Variants in SLC36A4 observed in about 807,000 individuals in gnomAD.
SLC36A4 encodes neutral amino acid uniporter 4.
SLC36A4 carries 49 observed loss-of-function variants against 50.5 expected under a neutral mutation model. The observed-to-expected ratio is 0.97, with a 90% CI of 0.77 to 1.23. The LOEUF is 1.23. SLC36A4 is among the 50% of genes most tolerant of loss of function. The pLI, the probability that SLC36A4 is intolerant of heterozygous loss-of-function variation, is 0.00. For synonymous variants in SLC36A4, 207 were observed against 206.5 expected (o/e 1.00, Z -0.02); for missense variants, 611 against 608.4 (o/e 1.00, Z -0.05).
At chr11:93,184,962 AAC>A (rs1371021499) in intron 2 of SLC36A4, among the ~76,000 whole-genome samples, 1 of 152,168 alleles carries the variant, frequency 6.6e-6, no homozygotes, top group Non-Finnish European at 1.5e-5. Context: ...CATGATACTA[AAC>A]ACATTTGATC....
At chr11:93,180,388 A>C (rs1861684479) in intron 6 of SLC36A4, 2 of 900,054 alleles carry the variant, frequency 2.2e-6, no homozygotes, top group South Asian at 1.0e-4. Flanking sequence ...AATGGCTATA[A>C]TTACCAGATT....
intron 9 of SLC36A4, among the ~76,000 whole-genome samples, chr11:93,156,213 G>A (rs1266320228): frequency 2.6e-5 from 4 of 151,978 alleles, no homozygotes; most frequent in African/African-American, 9.7e-5. Flanking sequence ...AATAAGTGTT[G>A]TTCCTTTTTC....
chr11:93,166,008 T>C lies in SLC36A4; in HGVS notation c.777A>G (p.Pro259=). 6.2e-7 allele frequency: 1 copy of C among 1,606,068 alleles called. No individual in the cohort carries two copies. Among genetic ancestry groups the C allele is most frequent in the East Asian group, 2.2e-5 (1 of 44,758 alleles). The change falls in exon 8 of 11, where the codon CCA becomes CCG. Residue 259 remains proline, a synonymous_variant. Transcript: ENST00000326402. Reference sequence around the variant, plus strand: ...CCACTATTGGAAGGTTGTGGGGATCTGGCATGTTCTAAAGAAAGGAAGAAA... The same window carrying C: ...CCACTATTGGAAGGTTGTGGGGATCCGGCATGTTCTAAAGAAAGGAAGAAA... ...IIYQYVVRNM[P]DPHNLPIVAG... is the part of the protein sequence containing the mutation.
Position 93,148,685 on chromosome 11 carries a change from A to G in SLC36A4, c.1367T>C (p.Ile456Thr), listed in dbSNP as rs773940308. 6 of 1,612,804 alleles carry G rather than the reference A, an allele frequency of 3.7e-6. No individual in the cohort carries two copies. In the Admixed American group the frequency reaches 8.4e-5, roughly 22 times the overall value. The change falls in exon 11 of 11, where the codon ATA becomes ACA. Residue 456 changes from isoleucine (I) to threonine (T), a missense_variant. By Grantham distance (89) the Ile-to-Thr change is moderately conservative (BLOSUM62 -1). Transcript: ENST00000326402. ...GAAGCCAACAACTCCAGTGAATGCTATAGAAATATTTTTCAGGACCATCCA... is the reference window on the plus strand; with the variant it reads ...GAAGCCAACAACTCCAGTGAATGCTGTAGAAATATTTTTCAGGACCATCCA... ...NIWMVLKNIS[I>T]AFTGVVGFLL...
At chr11:93,178,860 A>G (rs1342009547) in intron 6 of SLC36A4, among the ~76,000 whole-genome samples, 3 of 152,194 alleles carry the variant, frequency 2.0e-5, no homozygotes, top group Non-Finnish European at 2.9e-5. Flanking sequence ...ATCAGACAAG[A>G]GAAAGAAATA....
intron 3 of SLC36A4, among the ~76,000 whole-genome samples, chr11:93,183,496 A>T (rs1233590213): frequency 6.6e-6 from 1 of 152,166 alleles, no homozygotes; most frequent in Non-Finnish European, 1.5e-5. Flanking sequence ...TTAGGGGAAC[A>T]AAACAGTCAA....
intron 9 of SLC36A4, chr11:93,154,602 C>G (rs1380455994): frequency 1.3e-5 from 2 of 156,154 alleles, no homozygotes; most frequent in Admixed American, 6.5e-5. Context: ...GTTTTCTCAA[C>G]TTTCTTTTTA....
intron 6 of SLC36A4, among the ~76,000 whole-genome samples, chr11:93,177,201 T>A (rs981406266): frequency 5.9e-5 from 9 of 152,214 alleles, no homozygotes; most frequent in African/African-American, 2.2e-4. Flanking sequence ...ATTCATTTGA[T>A]CTTCAATCAC....
intron 6 of SLC36A4, chr11:93,180,213 G>A (rs900762514): frequency 2.0e-6 from 2 of 984,764 alleles, no homozygotes; most frequent in African/African-American, 3.5e-5. Context: ...TTGTTTTGAT[G>A]GAGGGATTTT....
intron 10 of SLC36A4, among the ~76,000 whole-genome samples, chr11:93,149,977 AAAT>A (rs1203805626): frequency 6.6e-6 from 1 of 152,048 alleles, no homozygotes; most frequent in Non-Finnish European, 1.5e-5. Context: ...AGTTTAAAAA[AAAT>A]AGTACTCCAC....
At chr11:93,166,165 T>C in intron 7 of SLC36A4, 149 bp from the exon 8 acceptor site, 3 of 1,297,292 alleles carry the variant, frequency 2.3e-6, no homozygotes, top group Non-Finnish European at 3.0e-6. Flanking sequence ...ACTTAAAGCA[T>C]CCTCTGTTAA....
chr11:93,176,093 G>C (rs917546512), intron 6 of SLC36A4, among the ~76,000 whole-genome samples: 7 of 143,244 alleles, frequency 4.9e-5, no homozygotes, highest in Non-Finnish European at 1.5e-5. Context: ...AAGTCTCTTT[G>C]TAGGTCACTC....
In SLC36A4 at chr11:93,168,118, T is replaced by A; in HGVS notation, c.594A>T (p.Ser198=). ...CACTTCTTCTCTCACAAGGGTTTGA[T>A]GAATTGGTACTATTTGAAATAAACA... is the stretch of plus-strand genomic sequence containing the variant. The part of the protein sequence containing the change: ...SKVFISNSTN[S]SNPCERRSVD... The change falls in exon 7 of 11, where the codon TCA becomes TCT. Residue 198 remains serine (S), a synonymous_variant. Coordinates refer to ENST00000326402, the MANE Select transcript of SLC36A4 (RefSeq NM_152313.4). 1.2e-6 allele frequency: 2 copies of A among 1,612,644 alleles called. No homozygotes were observed. The highest frequency in any genetic ancestry group is 8.5e-7 in the Non-Finnish European group (1 of 1,179,142).
chr11:93,188,812 AC>A (rs1271845425), intron 1 of SLC36A4, among the ~76,000 whole-genome samples: 1 of 152,194 alleles, frequency 6.6e-6, no homozygotes, highest in African/African-American at 2.4e-5. Context: ...ATAATCAAGT[AC>A]TACAAGAGAA....
Position 93,147,863 on chromosome 11 carries a change from G to A in SLC36A4, c.*674C>T, listed in dbSNP as rs1416056741. ...AAAACAAGGGAGTTGCACTGGATAA[G>A]TTTTAAAGTCCCTTTTCAAATTTCA... On this transcript the variant is annotated 3_prime_UTR_variant, in exon 11 of 11. Coordinates refer to ENST00000326402, the MANE Select transcript of SLC36A4 (RefSeq NM_152313.4). 6.6e-6 allele frequency: 1 copy of A among 152,076 alleles called. No individual in the cohort carries two copies. Among genetic ancestry groups the A allele is most frequent in the Non-Finnish European group, 1.5e-5 (1 of 68,016 alleles). 9.4% of individuals were successfully genotyped at this position (152,076 alleles called of 1,614,324 possible).
At position 93,197,640 on chromosome 11, in the gene SLC36A4, T is replaced by C. The variant is rs1371500985; in HGVS notation, c.55+138A>G. ...GTCAGATAACCGGTTCCTTTGCGGA[T>C]GCTGACCACGGGGTCAGTTAGCAAT... On this transcript the variant is annotated intron_variant, in intron 1 of 10. Transcript: ENST00000326402. The C allele has an allele frequency of 1.5e-5, 14 of 929,558 alleles. No individual in the cohort carries two copies. The East Asian group carries it at 3.7e-4, about 25-fold the overall frequency. 57.6% of individuals were successfully genotyped at this position (929,558 alleles called of 1,614,324 possible).
In SLC36A4 at chr11:93,147,570, C is replaced by G. The variant is rs1283920380; in HGVS notation, c.*967G>C. The G allele has an allele frequency of 6.6e-6, 1 of 152,122 alleles. No homozygotes were observed. The highest frequency in any genetic ancestry group is 1.5e-5 in the Non-Finnish European group (1 of 68,014). 9.4% of individuals were successfully genotyped at this position (152,122 alleles called of 1,614,324 possible). On this transcript the variant is annotated 3_prime_UTR_variant, in exon 11 of 11. Coordinates refer to ENST00000326402, the MANE Select transcript of SLC36A4 (RefSeq NM_152313.4). ...TCTCTTGCTGAGGTTTATATGGCCA[C>G]AGTGTAGGCTTCTTGGAGTTCCCTG...
chr11:93,178,237 A>T (rs1302230875), intron 6 of SLC36A4, among the ~76,000 whole-genome samples: 1 of 151,982 alleles, frequency 6.6e-6, no homozygotes, highest in Non-Finnish European at 1.5e-5. Context: ...ATTTGCTAAG[A>T]CCGTTGGAAA....
At position 93,146,468 on chromosome 11, in the gene SLC36A4, GA is replaced by G. The variant is rs372689715; in HGVS notation, c.*2068del. 95 of 152,044 alleles carry G rather than the reference GA, an allele frequency of 6.2e-4. 1 individual carries two copies. The highest frequency in any genetic ancestry group is 2.0e-3 in the African/African-American group (83 of 41,532). 9.4% of individuals were successfully genotyped at this position (152,044 alleles called of 1,614,324 possible). On this transcript the variant is annotated 3_prime_UTR_variant, in exon 11 of 11. Coordinates refer to ENST00000326402, the MANE Select transcript of SLC36A4 (RefSeq NM_152313.4). ...GTATGACTAAAGGCTCAGTGTAACAGAATTGATATAAAAGTATCTCAAACAA... is the reference window on the plus strand; with the variant it reads ...GTATGACTAAAGGCTCAGTGTAACAGATTGATATAAAAGTATCTCAAACAA...
Sources: gnomAD v4.1 joint callset for allele counts (sites outside exome capture counted in the v4.1 genomes callset) on GRCh38, gnomAD v4.1.1 for gene constraint, MANE v1.5 for transcripts, NCBI Gene and HGNC (gene_info 2026-07-23, HGNC 2026-07-21) for gene names.